UBE2E3: variants seen among roughly 807,000 people sequenced by gnomAD.
UBE2E3 encodes the protein ubiquitin-conjugating enzyme E2 E3.
UBE2E3 carries 5 observed loss-of-function variants against 23.6 expected under a neutral mutation model. The ratio of observed to expected loss-of-function variants is 0.21; its 90% CI spans 0.11 to 0.44. The LOEUF (loss-of-function observed/expected upper bound fraction) is 0.44, where lower values mean the gene tolerates loss of function less well. UBE2E3 is among the 20% of genes least tolerant of loss of function. The pLI is 0.99. For synonymous variants in UBE2E3, 78 were observed against 87.5 expected (o/e 0.89, Z 0.60); for missense variants, 81 against 249.8 (o/e 0.32, Z 4.55).
At chr2:180,985,342 G>T (rs950204760) in intron 3 of UBE2E3, among the ~76,000 whole-genome samples, 2 of 152,084 alleles carry the variant, frequency 1.3e-5, no homozygotes, top group Admixed American at 6.6e-5. Flanking sequence ...AGTCCAAAAT[G>T]AGATGTGCTA....
rs186812199 is a variant in UBE2E3, at chr2:180,993,078, T to A, written c.245+8985T>A. 9.2e-5 allele frequency among the ~76,000 whole-genome samples: 14 copies of A among 152,302 alleles called. No homozygotes were observed. The East Asian group carries it at 2.3e-3, about 25-fold the overall frequency. On this transcript the variant is annotated intron_variant, in intron 3 of 5. Transcript: ENST00000410062. ...AAAGTTAAATTGTAAAGCCTTGGGA[T>A]TTTTATCTCTGTTGACATTCTATCA... is the stretch of plus-strand genomic sequence containing the variant.
chr2:181,049,551 A>G (rs1244350700), intron 3 of UBE2E3, among the ~76,000 whole-genome samples: 1 of 152,078 alleles, frequency 6.6e-6, no homozygotes, highest in Non-Finnish European at 1.5e-5. Context: ...TATACACAAT[A>G]GACTTGACTG....
rs568000426 is a variant in UBE2E3, at chr2:181,031,133, T to A, written c.246-26560T>A. 2.4e-3 allele frequency among the ~76,000 whole-genome samples: 369 copies of A among 152,254 alleles called. 1 individual carries two copies. The highest frequency in any genetic ancestry group is 8.4e-3 in the African/African-American group (350 of 41,570). The stretch of plus-strand genomic sequence containing the variant: ...TTTGTGGCCTCTCATACTATTTTTT[T>A]AAAAAATTTGTTAAAAATTGCTTTT... On this transcript the variant is annotated intron_variant, in intron 3 of 5. Coordinates refer to ENST00000410062, the MANE Select transcript of UBE2E3 (RefSeq NM_006357.4).
intron 3 of UBE2E3, among the ~76,000 whole-genome samples, chr2:181,029,839 CTTTTT>C (rs546001645): frequency 7.6e-6 from 1 of 131,944 alleles, no homozygotes; most frequent in African/African-American, 2.8e-5. Flanking sequence ...AATTCGGTCC[CTTTTT>C]TTTTTTTTTT....
chr2:181,039,419 G>C (rs1014902519), intron 3 of UBE2E3, among the ~76,000 whole-genome samples: 1 of 151,982 alleles, frequency 6.6e-6, no homozygotes, highest in African/African-American at 2.4e-5. Context: ...CTCCTGGAGC[G>C]GCTGGGAGGG....
At chr2:181,030,720 A>G (rs1686049559) in intron 3 of UBE2E3, among the ~76,000 whole-genome samples, 1 of 149,170 alleles carries the variant, frequency 6.7e-6, no homozygotes, top group South Asian at 2.1e-4. Context: ...GGTGGGGAAA[A>G]GGTGGAAATT....
At chr2:180,983,356 A>G (rs1439190102) in intron 2 of UBE2E3, among the ~76,000 whole-genome samples, 7 of 152,218 alleles carry the variant, frequency 4.6e-5, no homozygotes, top group Non-Finnish European at 8.8e-5. Context: ...AACATATTAG[A>G]CACATCTAAA....
intron 3 of UBE2E3, among the ~76,000 whole-genome samples, chr2:181,029,484 A>T (rs1361873566): frequency 6.6e-6 from 1 of 152,076 alleles, no homozygotes; most frequent in East Asian, 1.9e-4. Context: ...AATTTTCTGT[A>T]TTCAAGTATT....
At chr2:181,009,737 G>A (rs528701028) in intron 3 of UBE2E3, among the ~76,000 whole-genome samples, 7 of 151,884 alleles carry the variant, frequency 4.6e-5, no homozygotes, top group Middle Eastern at 3.4e-3. Context: ...TCTGACTCCC[G>A]TACTGTAAAG....
intron 3 of UBE2E3, among the ~76,000 whole-genome samples, chr2:181,038,336 G>C (rs1269929871): frequency 6.6e-6 from 1 of 152,196 alleles, no homozygotes; most frequent in Non-Finnish European, 1.5e-5. Context: ...ACCTAAGTGT[G>C]TAGTAGGCTG....
Position 180,982,029 on chromosome 2 carries a change from A to G in UBE2E3, c.-14A>G, listed in dbSNP as rs183741428. 5 of 1,598,512 alleles carry G rather than the reference A, an allele frequency of 3.1e-6. No homozygotes were observed. In the East Asian group the frequency reaches 8.9e-5, roughly 29 times the overall value. ...GTTCTCTTTAAAAGTTTTCCAAGAG[A>G]TAACTTCACCAAGATGTCCAGTGAT... On this transcript the variant is annotated 5_prime_UTR_variant, in exon 2 of 6. Transcript: ENST00000410062.
intron 3 of UBE2E3, among the ~76,000 whole-genome samples, chr2:181,011,402 T>C (rs997200018): frequency 6.6e-6 from 1 of 151,946 alleles, no homozygotes; most frequent in African/African-American, 2.4e-5. Flanking sequence ...CTTTTATAAT[T>C]AACTCACTCT....
At chr2:181,033,603 T>C (rs1182227107) in intron 3 of UBE2E3, among the ~76,000 whole-genome samples, 1 of 152,106 alleles carries the variant, frequency 6.6e-6, no homozygotes, top group African/African-American at 2.4e-5. Context: ...GCAATACCAT[T>C]TAGGACATAG....
At position 180,982,200 on chromosome 2, in the gene UBE2E3, GCAAAACCAC is replaced by G; in HGVS notation, c.159_167del (p.Lys54_Thr56del). 1 of 1,612,070 alleles carries G rather than the reference GCAAAACCAC, an allele frequency of 6.2e-7. No homozygotes were observed. The highest frequency in any genetic ancestry group is 8.5e-7 in the Non-Finnish European group (1 of 1,179,348). Reference sequence around the variant, plus strand: ...CAGAAGAAAAACACCAAACTCTCTAGCAAAACCACTGCTAAGTTATCCACTAGTGCTAAA... The same window carrying G: ...CAGAAGAAAAACACCAAACTCTCTAGTGCTAAGTTATCCACTAGTGCTAAA... On this transcript the variant is annotated inframe_deletion, in exon 2 of 6. Coordinates refer to ENST00000410062, the MANE Select transcript of UBE2E3 (RefSeq NM_006357.4).
At chr2:181,036,432 A>G (rs1228601696) in intron 3 of UBE2E3, among the ~76,000 whole-genome samples, 1 of 152,164 alleles carries the variant, frequency 6.6e-6, no homozygotes, top group Non-Finnish European at 1.5e-5. Flanking sequence ...TGAGGAAAAA[A>G]CCTGATTCCT....
intron 3 of UBE2E3, among the ~76,000 whole-genome samples, chr2:181,021,064 A>C (rs1685654223): frequency 6.6e-6 from 1 of 152,204 alleles, no homozygotes; most frequent in Non-Finnish European, 1.5e-5. Flanking sequence ...ACTATATGTG[A>C]AAAGTAGTAA....
At chr2:181,017,978 T>A (rs1206654952) in intron 3 of UBE2E3, among the ~76,000 whole-genome samples, 2 of 151,792 alleles carry the variant, frequency 1.3e-5, no homozygotes, top group Non-Finnish European at 2.9e-5. Context: ...GTATTTCTTT[T>A]CACAGTGCCT....
intron 1 of UBE2E3, among the ~76,000 whole-genome samples, chr2:180,981,706 A>C (rs1684298881): frequency 6.6e-6 from 1 of 152,202 alleles, no homozygotes; most frequent in Admixed American, 6.5e-5. Flanking sequence ...ATATGTTATT[A>C]ATGCTTGTTG....
chr2:181,030,026 G>A (rs1341575234), intron 3 of UBE2E3, among the ~76,000 whole-genome samples: 1 of 151,690 alleles, frequency 6.6e-6, no homozygotes, highest in Admixed American at 6.6e-5. Flanking sequence ...TAGAGACCAG[G>A]TTTCATCATG....
Sources: gnomAD v4.1 joint callset for allele counts (sites outside exome capture counted in the v4.1 genomes callset) on GRCh38, gnomAD v4.1.1 for gene constraint, MANE v1.5 for transcripts, NCBI Gene and HGNC (gene_info 2026-07-23, HGNC 2026-07-21) for gene names.